Variants in ARHGAP8 observed in about 807,000 individuals in gnomAD.
The protein encoded by ARHGAP8 is Rho GTPase activating protein 8, also known as rho GTPase-activating protein 8.
ARHGAP8 carries 62 observed loss-of-function variants against 46.1 expected under a neutral mutation model. The observed-to-expected ratio is 1.34, with a 90% CI of 1.10 to 1.66. ARHGAP8 has a LOEUF of 1.66. Ranked by LOEUF, ARHGAP8 falls within the 40% of genes most tolerant of loss-of-function variation. ARHGAP8 has a pLI of 0.00. For synonymous variants in ARHGAP8, 375 were observed against 243.1 expected, an observed-to-expected ratio of 1.54 and a Z score of -5.05; for missense variants, 923 against 568.4, an observed-to-expected ratio of 1.62 and a Z score of -6.34.
At chr22:44,836,629 C>A (rs1216835282) in intron 7 of ARHGAP8, among the ~76,000 whole-genome samples, 4 of 151,436 alleles carry the variant, frequency 2.6e-5, no homozygotes. Context: ...TCTGGGCATC[C>A]AGGACCTCCC....
intron 10 of ARHGAP8, 148 bp from the exon 11 acceptor site, chr22:44,859,583 C>G (rs750302162): frequency 1.3e-6 from 1 of 763,658 alleles, no homozygotes; most frequent in Non-Finnish European, 2.2e-6. Flanking sequence ...GCCATACGGC[C>G]AGAAGATAAG....
At chr22:44,776,056 C>G (rs1386995483) in intron 1 of ARHGAP8, among the ~76,000 whole-genome samples, 1 of 152,096 alleles carries the variant, frequency 6.6e-6, no homozygotes, top group Non-Finnish European at 1.5e-5. Context: ...ATTTCAGGTC[C>G]CAGCTGCCAA....
chr22:44,853,293 C>G (rs535442063), intron 10 of ARHGAP8, among the ~76,000 whole-genome samples: 2 of 152,168 alleles, frequency 1.3e-5, no homozygotes, highest in Non-Finnish European at 2.9e-5. Flanking sequence ...GTAGGAGGCA[C>G]AAGGACTATC....
chr22:44,781,967 T>C (rs939696418), intron 1 of ARHGAP8, among the ~76,000 whole-genome samples: 2 of 152,220 alleles, frequency 1.3e-5, no homozygotes, highest in Non-Finnish European at 2.9e-5. Flanking sequence ...CCTGAGTAGA[T>C]GGGATTACAG....
At chr22:44,786,349 G>A (rs1927233104) in intron 1 of ARHGAP8, 108 bp from the exon 2 acceptor site, 3 of 1,417,514 alleles carry the variant, frequency 2.1e-6, no homozygotes, top group South Asian at 2.8e-5. Context: ...GCGCGTAGTG[G>A]GTGTGCAGCA....
intron 7 of ARHGAP8, among the ~76,000 whole-genome samples, chr22:44,833,167 G>A (rs930051038): frequency 1.4e-5 from 2 of 144,108 alleles, no homozygotes; most frequent in Admixed American, 1.4e-4. Context: ...TGCAATTATA[G>A]ATCAGTGCAA....
intron 3 of ARHGAP8, among the ~76,000 whole-genome samples, chr22:44,806,003 G>A (rs889559410): frequency 1.3e-5 from 2 of 152,228 alleles, no homozygotes; most frequent in Non-Finnish European, 2.9e-5. Flanking sequence ...AGAGCCCAGC[G>A]CTGGGGCCAA....
chr22:44,841,068 T>G (rs1396181317), intron 7 of ARHGAP8, among the ~76,000 whole-genome samples: 1 of 152,150 alleles, frequency 6.6e-6, no homozygotes, highest in Non-Finnish European at 1.5e-5. Context: ...TTACATTTAT[T>G]GGCCCCATAG....
At chr22:44,782,214 G>A (rs1926893205) in intron 1 of ARHGAP8, among the ~76,000 whole-genome samples, 1 of 152,100 alleles carries the variant, frequency 6.6e-6, no homozygotes. Flanking sequence ...GCACATGCCT[G>A]TAGTCCCAGG....
intron 2 of ARHGAP8, among the ~76,000 whole-genome samples, chr22:44,793,374 C>T (rs1020548955): frequency 1.6e-4 from 25 of 152,102 alleles, no homozygotes; most frequent in South Asian, 4.1e-4. Flanking sequence ...AAGTCCACGC[C>T]GGACCTGGCC....
At chr22:44,812,349 T>C (rs570769540) in intron 4 of ARHGAP8, among the ~76,000 whole-genome samples, 1 of 151,148 alleles carries the variant, frequency 6.6e-6, no homozygotes, top group Non-Finnish European at 1.5e-5. Flanking sequence ...GAGCCTTTTT[T>C]TTTTTTTGCT....
At chr22:44,806,957 CAA>C (rs565485539) in intron 3 of ARHGAP8, among the ~76,000 whole-genome samples, 19 of 113,018 alleles carry the variant, frequency 1.7e-4, no homozygotes, top group Admixed American at 1.8e-4. Flanking sequence ...GACTCTGTCT[CAA>C]AAAAAAAAAA....
At chr22:44,816,634 C>G (rs1391070203) in intron 5 of ARHGAP8, among the ~76,000 whole-genome samples, 1 of 151,868 alleles carries the variant, frequency 6.6e-6, no homozygotes, top group Non-Finnish European at 1.5e-5. Flanking sequence ...AAGTGAGCCC[C>G]ACCTCTATAA....
At chr22:44,799,784 G>A (rs545197197) in intron 2 of ARHGAP8, among the ~76,000 whole-genome samples, 5 of 144,974 alleles carry the variant, frequency 3.4e-5, no homozygotes, top group South Asian at 4.5e-4. Flanking sequence ...TCCCTGAGCC[G>A]TGGCCGTGGA....
intron 1 of ARHGAP8, among the ~76,000 whole-genome samples, chr22:44,782,466 G>T (rs1302429122): frequency 6.6e-6 from 1 of 152,150 alleles, no homozygotes; most frequent in Non-Finnish European, 1.5e-5. Flanking sequence ...CATCACCCCA[G>T]TGGGAAACTC....
chr22:44,842,557 C>T (rs136677), intron 7 of ARHGAP8, among the ~76,000 whole-genome samples: 36,743 of 152,142 alleles, frequency 0.24, 5,720 homozygotes, highest in Non-Finnish European at 0.33. Context: ...AGGCAGACCT[C>T]AGTGGCTCAG....
intron 1 of ARHGAP8, among the ~76,000 whole-genome samples, chr22:44,768,977 C>T (rs781655643): frequency 1.3e-5 from 2 of 151,848 alleles, no homozygotes; most frequent in African/African-American, 2.4e-5. Flanking sequence ...TGGGATTACA[C>T]GTGTGCACCA....
In ARHGAP8 at chr22:44,862,683, A is replaced by G. The variant is rs1177322552; in HGVS notation, c.*88A>G. 2 of 1,433,598 alleles carry G rather than the reference A, an allele frequency of 1.4e-6. No homozygotes were observed. The highest frequency in any genetic ancestry group is 2.6e-5 in the Admixed American group (1 of 38,436). The allele number at this position is 1,433,598 out of a possible 1,614,324, so 88.8% of individuals were successfully genotyped here. The stretch of plus-strand genomic sequence containing the variant: ...TGTAAACTTGGCATCTGTAAAAATA[A>G]CCAGCCATTAGATGAATTCAGAACC... On this transcript the variant is annotated 3_prime_UTR_variant, in exon 12 of 12. Transcript: ENST00000356099.
At chr22:44,859,900 T>C in intron 11 of ARHGAP8, 66 bp downstream of exon 11, 19 of 1,549,852 alleles carry the variant, frequency 1.2e-5, no homozygotes, top group Non-Finnish European at 1.5e-5. Flanking sequence ...TGGGCCCGCA[T>C]GGACCAGTCC....
Sources: allele counts gnomAD v4.1 joint callset (sites outside exome capture counted in the v4.1 genomes callset), GRCh38; gene constraint gnomAD v4.1.1; transcripts MANE v1.5; gene names NCBI Gene and HGNC (gene_info 2026-07-23, HGNC 2026-07-21).